The following IQSEC1 variants were observed in gnomAD, a reference collection of about 807,000 sequenced individuals.
IQSEC1 encodes the protein IQ motif and Sec7 domain ArfGEF 1.
A neutral mutation model predicts 91.0 loss-of-function variants in IQSEC1; 31 were observed. The ratio of observed to expected loss-of-function variants is 0.34; its 90% CI spans 0.26 to 0.46. The LOEUF (loss-of-function observed/expected upper bound fraction) is 0.46, where lower values mean the gene tolerates loss of function less well. Ranked by LOEUF, IQSEC1 falls within the 20% of genes least tolerant of loss-of-function variation. The pLI is 1.00. For synonymous variants in IQSEC1, 699 were observed against 662.6 expected, an observed-to-expected ratio of 1.05 and a Z score of -0.84; for missense variants, 1,388 against 1,575.6, an observed-to-expected ratio of 0.88 and a Z score of 2.02.
chr3:13,078,090 C>T (rs529326205), upstream of IQSEC1, among the ~76,000 whole-genome samples: 47 of 152,274 alleles, frequency 3.1e-4, no homozygotes, highest in Non-Finnish European at 5.0e-4. Context: ...CAGGAGCTCA[C>T]GCTGCACGGG....
chr3:13,069,854 C>A (rs1705356175), intron 1 of IQSEC1, among the ~76,000 whole-genome samples: 1 of 152,238 alleles, frequency 6.6e-6, no homozygotes, highest in African/African-American at 2.4e-5. Flanking sequence ...GCAATGACCT[C>A]AGGTGTTAGC....
At chr3:12,978,494 C>T (rs1701294281) in intron 1 of IQSEC1, among the ~76,000 whole-genome samples, 1 of 151,894 alleles carries the variant, frequency 6.6e-6, no homozygotes, top group Non-Finnish European at 1.5e-5. Flanking sequence ...GTCAGGAGTT[C>T]GAGACCAGCC....
intron 1 of IQSEC1, among the ~76,000 whole-genome samples, chr3:13,181,390 A>G (rs1693842866): frequency 2.0e-5 from 3 of 152,270 alleles, no homozygotes; most frequent in Admixed American, 2.0e-4. Context: ...TTGATGGAAT[A>G]GAGAGAAAAT....
chr3:13,157,400 C>T (rs1451968931), intron 2 of IQSEC1, among the ~76,000 whole-genome samples: 4 of 152,112 alleles, frequency 2.6e-5, no homozygotes, highest in African/African-American at 4.8e-5. Flanking sequence ...TTCTACTTCC[C>T]GTGTAAAGAA....
intron 2 of IQSEC1, among the ~76,000 whole-genome samples, chr3:13,130,341 CAA>C (rs58162524): frequency 1.0e-3 from 64 of 61,876 alleles, no homozygotes; most frequent in African/African-American, 2.3e-3. Context: ...GAGACTCTGT[CAA>C]AAAAAAAAAA....
intron 2 of IQSEC1, among the ~76,000 whole-genome samples, chr3:13,134,581 C>A (rs1005345497): frequency 3.3e-5 from 5 of 152,220 alleles, no homozygotes; most frequent in African/African-American, 4.8e-5. Context: ...TGGCCTTTGG[C>A]GTAACTGCTT....
At chr3:12,933,540 C>G (rs1475122152) in intron 3 of IQSEC1, among the ~76,000 whole-genome samples, 1 of 152,270 alleles carries the variant, frequency 6.6e-6, no homozygotes, top group Non-Finnish European at 1.5e-5. Context: ...GCACTTCACA[C>G]AGACCAACGC....
intron 1 of IQSEC1, among the ~76,000 whole-genome samples, chr3:13,059,260 C>T (rs545410922): frequency 6.6e-6 from 1 of 152,318 alleles, no homozygotes; most frequent in East Asian, 1.9e-4. Context: ...ATCAGACCCC[C>T]AGGCCAGACC....
At chr3:13,129,948 G>A (rs781029270) in intron 2 of IQSEC1, among the ~76,000 whole-genome samples, 10 of 151,354 alleles carry the variant, frequency 6.6e-5, no homozygotes, top group Non-Finnish European at 1.2e-4. Flanking sequence ...GTGAGCCACC[G>A]CGCCTGGCCA....
chr3:13,040,703 C>T (rs986108279), intron 1 of IQSEC1, among the ~76,000 whole-genome samples: 1 of 152,230 alleles, frequency 6.6e-6, no homozygotes, highest in Non-Finnish European at 1.5e-5. Context: ...CCCAAAGACA[C>T]CCTTCCCTTT....
intron 1 of IQSEC1, among the ~76,000 whole-genome samples, chr3:13,268,028 A>C (rs552778367): frequency 1.3e-5 from 2 of 152,314 alleles, no homozygotes; most frequent in African/African-American, 4.8e-5. Context: ...GATGGAAAAG[A>C]AGCAGCTTGG....
At chr3:12,903,650 G>C (rs554662144) in intron 12 of IQSEC1, among the ~76,000 whole-genome samples, 2 of 152,154 alleles carry the variant, frequency 1.3e-5, no homozygotes, top group African/African-American at 4.8e-5. Context: ...GCCCAGGCCC[G>C]GCCTGGCCCC....
At chr3:13,280,959 C>T (rs1323949810) in intron 1 of IQSEC1, among the ~76,000 whole-genome samples, 1 of 152,234 alleles carries the variant, frequency 6.6e-6, no homozygotes, top group Non-Finnish European at 1.5e-5. Flanking sequence ...AAGGCGGCTG[C>T]CTGGATGCAA....
chr3:13,222,969 C>T lies in IQSEC1; in HGVS notation c.273-58836G>A, dbSNP rs553874826. On this transcript the variant is annotated intron_variant, in intron 1 of 15. Transcript: ENST00000648114. ...CTCCAGCCCCTCAGCACCCTGGCAT[C>T]CACTTACCAAGGTGTCGATCGTGAT... 5.9e-5 allele frequency among the ~76,000 whole-genome samples: 9 copies of T among 152,354 alleles called. No individual in the cohort carries two copies. In the South Asian group the frequency reaches 1.9e-3, roughly 32 times the overall value.
At chr3:12,903,283 A>G (rs1559599730) in intron 12 of IQSEC1, among the ~76,000 whole-genome samples, 3 of 152,070 alleles carry the variant, frequency 2.0e-5, no homozygotes, top group Non-Finnish European at 4.4e-5. Flanking sequence ...ATATATGTGT[A>G]TATCCGCACA....
intron 1 of IQSEC1, among the ~76,000 whole-genome samples, chr3:13,002,148 C>T (rs568790979): frequency 3.3e-5 from 5 of 152,238 alleles, no homozygotes; most frequent in Non-Finnish European, 5.9e-5. Flanking sequence ...CAAAAGGATA[C>T]ATTTGGGCCC....
chr3:13,140,487 A>G (rs181129375), intron 2 of IQSEC1, among the ~76,000 whole-genome samples: 9 of 152,292 alleles, frequency 5.9e-5, no homozygotes, highest in African/African-American at 2.2e-4. Context: ...TTTCCTGAGA[A>G]CTTCACAGGT....
rs1693982501 is a variant in IQSEC1 at position 12,899,359 on chromosome 3, G to A, written c.*1624C>T. 1 of 1,610,302 alleles carries A rather than the reference G, an allele frequency of 6.2e-7. No homozygotes were observed. The highest frequency in any genetic ancestry group is 1.7e-5 in the Admixed American group (1 of 59,812). ...TCTGAAAGGGCCTCCGCCTGGGCAG[G>A]CGCCGGGGGGCAGTCCTCGGGTCCC... is the stretch of plus-strand genomic sequence containing the variant. On this transcript the variant is annotated 3_prime_UTR_variant, in exon 14 of 14. Coordinates refer to ENST00000613206, the MANE Select transcript of IQSEC1 (RefSeq NM_001134382.3).
Position 12,902,797 on chromosome 3 carries a change from C to T in IQSEC1, c.2781G>A (p.Ala927=), listed in dbSNP as rs776500777. 136 of 1,613,458 alleles carry T rather than the reference C, an allele frequency of 8.4e-5. No individual in the cohort carries two copies. Among genetic ancestry groups the T allele is most frequent in the Middle Eastern group, 3.3e-4 (2 of 6,082 alleles). The change falls in exon 13 of 14, where the codon GCG becomes GCA. Residue 927 remains alanine, a synonymous_variant. Transcript: ENST00000613206. ...CTTCCACATTGCTCTCTAGCGATCC[C>T]GCACTGCTGCGACGCCCTCGCTTCC... is the stretch of plus-strand genomic sequence containing the variant. ...EAGKRGRRSS[A]GSLESNVEGS...
Sources: allele counts gnomAD v4.1 joint callset (sites outside exome capture counted in the v4.1 genomes callset), GRCh38; gene constraint gnomAD v4.1.1; transcripts MANE v1.5; gene names NCBI Gene and HGNC (gene_info 2026-07-23, HGNC 2026-07-21).